The following HMG20A variants were observed in gnomAD, a reference collection of about 807,000 sequenced individuals.
HMG20A encodes high mobility group protein 20A.
In HMG20A, 17 loss-of-function variants were observed where a neutral mutation model predicts 43.9. The observed-to-expected ratio is 0.39, with a 90% CI of 0.27 to 0.58. The LOEUF is 0.58. Among genes scored for constraint, HMG20A ranks in the 20% least tolerant of loss-of-function variants. HMG20A has a pLI of 0.59. For missense variants in HMG20A, 341 were observed against 438.2 expected (o/e 0.78, Z 1.98); for synonymous variants, 132 against 147.5 (o/e 0.89, Z 0.76).
the HMG20A span, among the ~76,000 whole-genome samples, chr15:77,493,962 C>T: frequency 6.6e-6 from 1 of 152,104 alleles, no homozygotes; most frequent in Non-Finnish European, 1.5e-5. Flanking sequence ...GCTTAAAAGG[C>T]GGGCCTGGAC....
chr15:77,446,829 A>ACATATGTGTCTTT, intron 1 of HMG20A, among the ~76,000 whole-genome samples: 1 of 151,970 alleles, frequency 6.6e-6, no homozygotes, highest in East Asian at 1.9e-4. Flanking sequence ...AAAAGAGTAT[A>ACATATGTGTCTTT]CATATGTGTC....
At chr15:77,457,193 T>C (rs1295632814) in intron 1 of HMG20A, among the ~76,000 whole-genome samples, 25 of 152,236 alleles carry the variant, frequency 1.6e-4, no homozygotes, top group Admixed American at 1.6e-3. Context: ...CCATTGAACA[T>C]GGAGAATGTG....
At chr15:77,425,700 T>G (rs550237028) in intron 1 of HMG20A, among the ~76,000 whole-genome samples, 1 of 152,332 alleles carries the variant, frequency 6.6e-6, no homozygotes, top group Admixed American at 6.5e-5. Flanking sequence ...TTGTGAGAGA[T>G]ACCCTCTGCT....
chr15:77,465,260 CAAAAAAAAAAAAAA>C (rs71145837), intron 3 of HMG20A, among the ~76,000 whole-genome samples: 19 of 59,218 alleles, frequency 3.2e-4, no homozygotes, highest in African/African-American at 6.5e-4. Flanking sequence ...GACTTCGTCT[CAAAAAAAAAAAAAA>C]AAAAAAAAAA....
At chr15:77,463,806 C>T (rs968739429) in intron 2 of HMG20A, among the ~76,000 whole-genome samples, 28 of 152,180 alleles carry the variant, frequency 1.8e-4, no homozygotes, top group African/African-American at 4.1e-4. Flanking sequence ...TTTTCTTACA[C>T]CCTTTAAGAC....
intron 1 of HMG20A, among the ~76,000 whole-genome samples, chr15:77,448,682 G>A (rs2073701987): frequency 6.6e-6 from 1 of 152,164 alleles, no homozygotes; most frequent in South Asian, 2.1e-4. Flanking sequence ...GGTCATTGCT[G>A]TATTCCCAAT....
chr15:77,458,376 AT>A (rs535506755), intron 1 of HMG20A, 27 bp from the exon 2 acceptor site: 238 of 1,456,824 alleles, frequency 1.6e-4, no homozygotes, highest in Non-Finnish European at 1.8e-4. Context: ...TAAGCCATTA[AT>A]TTTTTTTTAT....
At chr15:77,422,353 C>T (rs574195412) in intron 1 of HMG20A, among the ~76,000 whole-genome samples, 23 of 152,274 alleles carry the variant, frequency 1.5e-4, no homozygotes, top group African/African-American at 5.3e-4. Flanking sequence ...GCTGTTTGGT[C>T]ACGCCTGTAA....
Position 77,478,365 on chromosome 15 carries a change from A to G in HMG20A, c.762A>G (p.Gln254=), listed in dbSNP as rs774545437. 14 of 1,613,652 alleles carry G rather than the reference A, an allele frequency of 8.7e-6. No individual in the cohort carries two copies. Among genetic ancestry groups the G allele is most frequent in the Non-Finnish European group, 1.0e-5 (12 of 1,180,042 alleles). Reference sequence around the variant, plus strand: ...TTGAGGAGAGGAATGCAGCCCTGCAAAAGCACGTGGAGAGCATGCGCACAG... The same window carrying G: ...TTGAGGAGAGGAATGCAGCCCTGCAGAAGCACGTGGAGAGCATGCGCACAG... ...MEFEERNAAL[Q]KHVESMRTAV... Residue 254 remains glutamine, a synonymous_variant, in exon 8 of 10, where the codon CAA becomes CAG. Coordinates refer to ENST00000336216, the MANE Select transcript of HMG20A (RefSeq NM_001304504.2).
intron 1 of HMG20A, among the ~76,000 whole-genome samples, chr15:77,428,379 A>G (rs1245478166): frequency 6.6e-6 from 1 of 152,238 alleles, no homozygotes; most frequent in African/African-American, 2.4e-5. Context: ...AGAATCCCAC[A>G]AAGTAAAGTA....
chr15:77,499,382 C>T, the HMG20A span, among the ~76,000 whole-genome samples: 1 of 152,186 alleles, frequency 6.6e-6, no homozygotes, highest in Non-Finnish European at 1.5e-5. Flanking sequence ...AATATGTATT[C>T]TTCCCAAACC....
chr15:77,464,439 C>G, intron 3 of HMG20A, 52 bp downstream of exon 3: 1 of 1,581,704 alleles, frequency 6.3e-7, no homozygotes, highest in East Asian at 2.3e-5. Context: ...TCTGAAGAAG[C>G]AGTCACAAGG....
chr15:77,459,087 G>A lies in HMG20A; in HGVS notation c.89+591G>A, dbSNP rs192433329. ...ATGTTTAGAAGTTATTTGGCAAAGA[G>A]AAAGTGTGTTCACTAATAGACTGAA... On this transcript the variant is annotated intron_variant, in intron 2 of 9. Transcript: ENST00000336216. Among the ~76,000 whole-genome samples, 29 of 152,352 alleles carry A rather than the reference G, an allele frequency of 1.9e-4. No homozygotes were observed. The East Asian group carries it at 5.0e-3, about 26-fold the overall frequency.
In HMG20A at chr15:77,458,868, T is replaced by C. The variant is rs2072680440; in HGVS notation, c.89+372T>C. ...AAATAGTTTTTTCCCAAAGATCAGATTTTTTAATGTGGTTCTTTATTCAAG... is the reference window on the plus strand; with the variant it reads ...AAATAGTTTTTTCCCAAAGATCAGACTTTTTAATGTGGTTCTTTATTCAAG... On this transcript the variant is annotated intron_variant, in intron 2 of 9. Coordinates refer to ENST00000336216, the MANE Select transcript of HMG20A (RefSeq NM_001304504.2). Among the ~76,000 whole-genome samples, 7 of 152,236 alleles carry C rather than the reference T, an allele frequency of 4.6e-5. No homozygotes were observed. In the South Asian group the frequency reaches 1.4e-3, roughly 31 times the overall value.
At chr15:77,465,131 G>T (rs1189838089) in intron 3 of HMG20A, among the ~76,000 whole-genome samples, 1 of 151,698 alleles carries the variant, frequency 6.6e-6, no homozygotes. Context: ...GTGCAGTGGT[G>T]TGTGCCTGTA....
rs138933880 is a variant in HMG20A at position 77,422,784 on chromosome 15, C to T, written c.-5+1780C>T. On this transcript the variant is annotated intron_variant, in intron 1 of 9. Coordinates refer to ENST00000336216, the MANE Select transcript of HMG20A (RefSeq NM_001304504.2). ...ATGATTTATATTTTGAAAGACCACA[C>T]GATTGCTGCAGTAGTTGACTGAAAA... Among the ~76,000 whole-genome samples, 204 of 152,154 alleles carry T rather than the reference C, an allele frequency of 1.3e-3. 3 individuals carry two copies. The highest frequency in any genetic ancestry group is 4.2e-3 in the African/African-American group (175 of 41,488).
the HMG20A span, among the ~76,000 whole-genome samples, chr15:77,492,784 T>G: frequency 6.6e-6 from 1 of 151,848 alleles, no homozygotes; most frequent in Non-Finnish European, 1.5e-5. Context: ...GCACTCCAGC[T>G]TGGGTGACAG....
chr15:77,478,547 G>A (rs1016805147), intron 8 of HMG20A, 37 bp downstream of exon 8: 33 of 1,546,574 alleles, frequency 2.1e-5, no homozygotes, highest in Non-Finnish European at 2.8e-5. Flanking sequence ...AGTGACAGGG[G>A]TGTGTGTGTT....
At chr15:77,463,499 C>T (rs1401637942) in intron 2 of HMG20A, among the ~76,000 whole-genome samples, 1 of 152,212 alleles carries the variant, frequency 6.6e-6, no homozygotes, top group Admixed American at 6.5e-5. Context: ...AAAATACTCA[C>T]TAGCACATGG....
Sources: allele counts gnomAD v4.1 joint callset (sites outside exome capture counted in the v4.1 genomes callset), GRCh38; gene constraint gnomAD v4.1.1; transcripts MANE v1.5; gene names NCBI Gene and HGNC (gene_info 2026-07-23, HGNC 2026-07-21).